The following RERE variants were observed in gnomAD, a reference collection of about 807,000 sequenced individuals.
RERE encodes arginine-glutamic acid dipeptide repeats.
A neutral mutation model predicts 146.1 loss-of-function variants in RERE; 40 were observed. The observed-to-expected ratio is 0.27, with a 90% CI of 0.21 to 0.36. The LOEUF (loss-of-function observed/expected upper bound fraction) is 0.36. Ranked by LOEUF, RERE falls within the 10% of genes least tolerant of loss-of-function variation. The pLI is 1.00. For missense variants in RERE, 1,933 were observed against 2,138.7 expected (o/e 0.90, Z 1.90); for synonymous variants, 1,003 against 866.0 (o/e 1.16, Z -2.78).
chr1:8,581,342 G>T (rs553811838), intron 4 of RERE, among the ~76,000 whole-genome samples: 1 of 152,130 alleles, frequency 6.6e-6, no homozygotes, highest in Admixed American at 6.5e-5. Flanking sequence ...TAAGAGTGTT[G>T]TTTGTTGGAA....
At chr1:8,784,367 C>A (rs2124564373) in intron 1 of RERE, among the ~76,000 whole-genome samples, 1 of 152,290 alleles carries the variant, frequency 6.6e-6, no homozygotes, top group African/African-American at 2.4e-5. Context: ...CAGCATTTAT[C>A]ATACTCTAAT....
chr1:8,810,626 T>TA (rs567432335), intron 1 of RERE, among the ~76,000 whole-genome samples: 13 of 151,812 alleles, frequency 8.6e-5, no homozygotes, highest in African/African-American at 2.7e-4. Flanking sequence ...AAATTTAAAT[T>TA]AAAAAAAATT....
chr1:8,400,718 A>G (rs1182915456), intron 12 of RERE, among the ~76,000 whole-genome samples: 1 of 151,154 alleles, frequency 6.6e-6, no homozygotes, highest in Non-Finnish European at 1.5e-5. Flanking sequence ...AATATGATGC[A>G]TAGGGGCTAC....
chr1:8,477,843 T>C (rs1164643636), intron 10 of RERE, among the ~76,000 whole-genome samples: 1 of 152,164 alleles, frequency 6.6e-6, no homozygotes, highest in Non-Finnish European at 1.5e-5. Context: ...TTTTTGGCAA[T>C]GATAATGAAG....
chr1:8,486,900 C>G (rs952385299), intron 10 of RERE, among the ~76,000 whole-genome samples: 3 of 151,740 alleles, frequency 2.0e-5, no homozygotes, highest in Non-Finnish European at 2.9e-5. Context: ...GAAAACAGAA[C>G]AGGAAGAACG....
chr1:8,600,460 G>C (rs540054546), intron 4 of RERE, among the ~76,000 whole-genome samples: 1 of 152,286 alleles, frequency 6.6e-6, no homozygotes, highest in Admixed American at 6.5e-5. Context: ...CTTAAGAGCA[G>C]ATTGAAAATC....
At chr1:8,389,100 G>A (rs1642789780) in intron 12 of RERE, among the ~76,000 whole-genome samples, 1 of 152,166 alleles carries the variant, frequency 6.6e-6, no homozygotes, top group Admixed American at 6.5e-5. Flanking sequence ...TTCTTAGAAA[G>A]ACATGTGTCA....
At chr1:8,497,361 G>A in intron 9 of RERE, 44 bp downstream of exon 9, 2 of 1,610,428 alleles carry the variant, frequency 1.2e-6, no homozygotes, top group Non-Finnish European at 1.7e-6. Context: ...AATCAGTTCA[G>A]ATGGTCTAAT....
chr1:8,421,851 T>G (rs1557623922), intron 12 of RERE, among the ~76,000 whole-genome samples: 1 of 152,194 alleles, frequency 6.6e-6, no homozygotes, highest in Admixed American at 6.5e-5. Flanking sequence ...CCTCCCAAAG[T>G]CCTGAAGAGT....
chr1:8,363,904 A>T, intron 15 of RERE, 152 bp downstream of exon 15: 1 of 695,084 alleles, frequency 1.4e-6, no homozygotes, highest in Non-Finnish European at 2.4e-6. Context: ...CCCAGCCCAC[A>T]GGCAAGCTAC....
intron 1 of RERE, among the ~76,000 whole-genome samples, chr1:8,674,324 G>A (rs996372290): frequency 2.6e-5 from 4 of 151,962 alleles, no homozygotes; most frequent in Non-Finnish European, 4.4e-5. Context: ...TCATCAGAAG[G>A]AAAGTAATAC....
intron 4 of RERE, among the ~76,000 whole-genome samples, chr1:8,563,578 AACAGAGT>A (rs539873511): frequency 2.8e-4 from 43 of 152,352 alleles, no homozygotes; most frequent in South Asian, 1.0e-3. Context: ...AGACAGCCTC[AACAGAGT>A]ACAAAGATGG....
chr1:8,456,229 C>T (rs892770000), intron 11 of RERE, among the ~76,000 whole-genome samples: 4 of 152,174 alleles, frequency 2.6e-5, no homozygotes, highest in African/African-American at 7.2e-5. Flanking sequence ...CAGAGCATGA[C>T]ATCTACAGTT....
intron 1 of RERE, chr1:8,786,705 A>C (rs1641265774): frequency 5.1e-6 from 4 of 787,894 alleles, no homozygotes; most frequent in Non-Finnish European, 6.8e-6. Context: ...AGAAGTTGCC[A>C]GCTTTTCTTG....
chr1:8,363,692 C>T (rs1446242394), intron 15 of RERE: 1 of 233,134 alleles, frequency 4.3e-6, no homozygotes, highest in Non-Finnish European at 8.4e-6. Context: ...TAAAAAAAAT[C>T]ACAAACACAC....
At chr1:8,487,771 C>T (rs1386596316) in intron 10 of RERE, among the ~76,000 whole-genome samples, 1 of 152,110 alleles carries the variant, frequency 6.6e-6, no homozygotes, top group Non-Finnish European at 1.5e-5. Context: ...TTGCACACGA[C>T]ATGTTTAGCA....
chr1:8,681,386 A>G (rs1012255830), intron 1 of RERE, among the ~76,000 whole-genome samples: 1 of 152,206 alleles, frequency 6.6e-6, no homozygotes, highest in Admixed American at 6.5e-5. Flanking sequence ...AAGCCACAGC[A>G]TACCTATTCA....
chr1:8,545,688 T>C (rs969096398), intron 6 of RERE, among the ~76,000 whole-genome samples: 1 of 146,714 alleles, frequency 6.8e-6, no homozygotes, highest in African/African-American at 2.5e-5. Flanking sequence ...AAAAATTCTT[T>C]TTTTTTTTTT....
At chr1:8,688,176 G>A (rs940311742) in intron 1 of RERE, among the ~76,000 whole-genome samples, 19 of 152,128 alleles carry the variant, frequency 1.2e-4, no homozygotes, top group Non-Finnish European at 1.9e-4. Context: ...AGCGACTAAC[G>A]CCTATAATCT....
Sources: allele counts gnomAD v4.1 joint callset (sites outside exome capture counted in the v4.1 genomes callset), GRCh38; gene constraint gnomAD v4.1.1; transcripts MANE v1.5; gene names NCBI Gene and HGNC (gene_info 2026-07-23, HGNC 2026-07-21).